The following NOS1AP variants were observed in gnomAD, a reference collection of about 807,000 sequenced individuals.
The protein encoded by NOS1AP is nitric oxide synthase 1 adaptor protein, also known as carboxyl-terminal PDZ ligand of neuronal nitric oxide synthase protein.
Under a neutral mutation model 56.2 loss-of-function variants are expected in NOS1AP, and 21 were observed. That is an observed-to-expected ratio of 0.37 (90% CI 0.26 to 0.54). NOS1AP has a LOEUF of 0.54. NOS1AP is among the 20% of genes least tolerant of loss of function. The pLI is 0.84. For synonymous variants in NOS1AP, 270 were observed against 274.6 expected (o/e 0.98, Z 0.17); for missense variants, 522 against 657.8 (o/e 0.79, Z 2.26).
rs1398390744 is a variant in NOS1AP, at chr1:162,188,528, A to G, written c.177+34052A>G. On this transcript the variant is annotated intron_variant, in intron 2 of 9. Transcript: ENST00000361897. This position sits in a 1 kb window ranked among gnomAD's most constrained non-coding sequence, Gnocchi z 4.0. ...GGCTCTGATATATGCCACACAGCCTACAACTCGACTCTGGCAAATGTTGAA... is the reference window on the plus strand; with the variant it reads ...GGCTCTGATATATGCCACACAGCCTGCAACTCGACTCTGGCAAATGTTGAA... Among the ~76,000 whole-genome samples the G allele has an allele frequency of 6.6e-6, 1 of 152,192 alleles. No individual in the cohort carries two copies. The highest frequency in any genetic ancestry group is 1.5e-5 in the Non-Finnish European group (1 of 68,034).
intron 2 of NOS1AP, among the ~76,000 whole-genome samples, chr1:162,233,570 C>A (rs2101671944): frequency 6.6e-6 from 1 of 152,212 alleles, no homozygotes; most frequent in Non-Finnish European, 1.5e-5. Context: ...TTTTCATTAT[C>A]CCAAGAAGAA....
intron 2 of NOS1AP, among the ~76,000 whole-genome samples, chr1:162,273,333 T>C (rs1176890837): frequency 3.3e-5 from 5 of 151,922 alleles, no homozygotes; most frequent in Non-Finnish European, 5.9e-5. Context: ...CCGGCTAATT[T>C]TTTTTGTATT....
At chr1:162,252,166 C>T (rs1236494323) in intron 2 of NOS1AP, among the ~76,000 whole-genome samples, 1 of 151,996 alleles carries the variant, frequency 6.6e-6, no homozygotes, top group African/African-American at 2.4e-5. Context: ...CCCACATCAG[C>T]CTCCTGAGTA....
At chr1:162,365,248 T>C in intron 8 of NOS1AP, 156 bp from the exon 9 acceptor site, 1 of 1,485,960 alleles carries the variant, frequency 6.7e-7, no homozygotes, top group Non-Finnish European at 8.9e-7. Flanking sequence ...TCTGGAATGA[T>C]AAGCCCAGAT....
At chr1:162,224,822 G>T (rs1652889996) in intron 2 of NOS1AP, among the ~76,000 whole-genome samples, 1 of 152,144 alleles carries the variant, frequency 6.6e-6, no homozygotes, top group Non-Finnish European at 1.5e-5. Flanking sequence ...TAAGACTGAT[G>T]TTGTTTCCAG....
chr1:162,203,485 CAACATTATGATG>C (rs1652058471), intron 2 of NOS1AP, among the ~76,000 whole-genome samples: 1 of 152,086 alleles, frequency 6.6e-6, no homozygotes, highest in African/African-American at 2.4e-5. Flanking sequence ...GGCGAGATGT[CAACATTATGATG>C]AAAAGTCATT....
At chr1:162,355,609 TCCTACTC>T (rs1326384854) in intron 7 of NOS1AP, among the ~76,000 whole-genome samples, 3 of 152,156 alleles carry the variant, frequency 2.0e-5, no homozygotes, top group African/African-American at 4.8e-5. Flanking sequence ...ATATTTGGTC[TCCTACTC>T]CCTGGCACCC....
rs1016373771 is a variant in NOS1AP, at chr1:162,368,809, T to C, written c.*1342T>C. 7 of 152,214 alleles carry C rather than the reference T, an allele frequency of 4.6e-5. No individual in the cohort carries two copies. The highest frequency in any genetic ancestry group is 1.4e-4 in the African/African-American group (6 of 41,432). 9.4% of individuals were successfully genotyped at this position (152,214 alleles called of 1,614,324 possible). ...AGTCATATGTTCGGGGAATTAAGTC[T>C]TTATCCTAGACAACAAGGTACAGAT... On this transcript the variant is annotated 3_prime_UTR_variant, in exon 10 of 10. Transcript: ENST00000361897.
chr1:162,227,609 G>A (rs925865909), intron 2 of NOS1AP, among the ~76,000 whole-genome samples: 3 of 152,184 alleles, frequency 2.0e-5, no homozygotes, highest in Admixed American at 6.5e-5. Flanking sequence ...AGCAGAGATA[G>A]GTGTGAGAAT....
intron 1 of NOS1AP, among the ~76,000 whole-genome samples, chr1:162,146,926 T>G (rs1649485624): frequency 6.6e-6 from 1 of 152,248 alleles, no homozygotes. Context: ...GCAGAGCTAT[T>G]TTTTCTATCT....
At chr1:162,235,062 C>G (rs1653243751) in intron 2 of NOS1AP, among the ~76,000 whole-genome samples, 1 of 152,126 alleles carries the variant, frequency 6.6e-6, no homozygotes, top group South Asian at 2.1e-4. Context: ...CCTGAGCGTT[C>G]CTTCAGTAAA....
rs373463726 is a variant in NOS1AP at position 162,070,326 on chromosome 1, G to A, written c.105+44G>A. 221 of 1,536,944 alleles carry A rather than the reference G, an allele frequency of 1.4e-4. 3 individuals are homozygous for A. In the African/African-American group the frequency reaches 2.0e-3, roughly 14 times the overall value. On this transcript the variant is annotated intron_variant, in intron 1 of 9. Coordinates refer to ENST00000361897, the MANE Select transcript of NOS1AP (RefSeq NM_014697.3). ...GGGTGCTACCTGTGGTGGCGGTTGG[G>A]GGGGCATGTTTGAGCGGATGGGATG...
intron 2 of NOS1AP, among the ~76,000 whole-genome samples, chr1:162,192,627 A>G (rs1036676209): frequency 5.9e-5 from 9 of 152,210 alleles, no homozygotes; most frequent in African/African-American, 2.2e-4. Flanking sequence ...CTCAGTGGGC[A>G]CTGCCTCTTT....
rs183041539 is a variant in NOS1AP, at chr1:162,354,673, T to C, written c.596-514T>C. Among the ~76,000 whole-genome samples the C allele has an allele frequency of 3.1e-3, 478 of 152,318 alleles. 3 individuals are homozygous for C. Among genetic ancestry groups the C allele is most frequent in the African/African-American group, 0.011 (444 of 41,592 alleles). On this transcript the variant is annotated intron_variant, in intron 6 of 9. Coordinates refer to ENST00000361897, the MANE Select transcript of NOS1AP (RefSeq NM_014697.3). ...TACTGTGTTAAAATGCAGCCTCACA[T>C]CTCCCTGCCTTATTCCTCAGTCATG... is the stretch of plus-strand genomic sequence containing the variant.
intron 2 of NOS1AP, among the ~76,000 whole-genome samples, chr1:162,268,409 G>A (rs1032024423): frequency 6.6e-6 from 1 of 152,054 alleles, no homozygotes; most frequent in Non-Finnish European, 1.5e-5. Context: ...ACATGTGAAG[G>A]TTTCTGCAAC....
intron 4 of NOS1AP, among the ~76,000 whole-genome samples, chr1:162,304,464 T>C (rs549630180): frequency 5.8e-4 from 89 of 152,164 alleles, no homozygotes; most frequent in African/African-American, 1.9e-3. Context: ...TTTAAAAAAG[T>C]TTTTTTATTC....
chr1:162,205,162 A>G (rs1652118964), intron 2 of NOS1AP, among the ~76,000 whole-genome samples: 1 of 152,242 alleles, frequency 6.6e-6, no homozygotes, highest in African/African-American at 2.4e-5. Context: ...TGTGAACCCC[A>G]GATGGGAAGT....
At chr1:162,244,344 C>A (rs1345489892) in intron 2 of NOS1AP, among the ~76,000 whole-genome samples, 2 of 152,138 alleles carry the variant, frequency 1.3e-5, no homozygotes, top group African/African-American at 4.8e-5. Context: ...CTTAAACCAA[C>A]CTTTGTTACC....
intron 1 of NOS1AP, among the ~76,000 whole-genome samples, chr1:162,121,743 T>C (rs768602693): frequency 6.6e-5 from 10 of 152,334 alleles, no homozygotes; most frequent in Non-Finnish European, 1.0e-4. Flanking sequence ...TTACTTTTTA[T>C]TGTTTTTACT....
Sources: gnomAD v4.1 joint callset for allele counts (sites outside exome capture counted in the v4.1 genomes callset) on GRCh38, gnomAD v4.1.1 for gene constraint, Gnocchi (gnomAD v3.1) non-coding constraint, MANE v1.5 for transcripts, NCBI Gene and HGNC (gene_info 2026-07-23, HGNC 2026-07-21) for gene names.